EBF1: variants seen among roughly 807,000 people sequenced by gnomAD.
EBF1 encodes the protein EBF transcription factor 1.
A neutral mutation model predicts 68.4 loss-of-function variants in EBF1; 10 were observed. That is an observed-to-expected ratio of 0.15 (90% CI 0.09 to 0.25). The LOEUF (loss-of-function observed/expected upper bound fraction) is 0.25. Among genes scored for constraint, EBF1 ranks in the 10% least tolerant of loss-of-function variants. The probability of loss-of-function intolerance (pLI) is 1.00; values close to 1 mark genes in which losing one functional copy is unlikely to be tolerated. For synonymous variants in EBF1, 298 were observed against 299.8 expected (o/e 0.99, Z 0.06); for missense variants, 509 against 794.4 (o/e 0.64, Z 4.32).
In EBF1 at chr5:158,796,407, T is replaced by C. The variant is rs1779619905; in HGVS notation, c.847A>G (p.Ile283Val). ...WTTGGATVII[I>V]GDNFFDGLQV... ...AACCCATCAAAGAAATTGTCCCCTA[T>C]GATGATCACAGTCGCACCTCCCGTC... Residue 283 changes from isoleucine to valine, a missense_variant, in exon 9 of 16, where the codon ATA becomes GTA. Coordinates refer to ENST00000313708, the MANE Select transcript of EBF1 (RefSeq NM_024007.5). 1 of 1,613,806 alleles carries C rather than the reference T, an allele frequency of 6.2e-7. No individual in the cohort carries two copies. The highest frequency in any genetic ancestry group is 1.1e-5 in the South Asian group (1 of 91,034).
rs1363155884 is a variant in EBF1 at position 158,696,917 on chromosome 5, T to G, written c.*2194A>C. 1.5e-5 allele frequency: 3 copies of G among 196,856 alleles called. No individual in the cohort carries two copies. Among genetic ancestry groups the G allele is most frequent in the Non-Finnish European group, 3.1e-5 (3 of 95,302 alleles). 12.2% of individuals were successfully genotyped at this position (196,856 alleles called of 1,614,324 possible). A position where few individuals can be genotyped will look rare whatever the true frequency, so the allele number is the denominator to read the frequency against. On this transcript the variant is annotated 3_prime_UTR_variant, in exon 16 of 16. Coordinates refer to ENST00000313708, the MANE Select transcript of EBF1 (RefSeq NM_024007.5). ...TCTTTGTTTTTTTTTTTTTCTTTTT[T>G]TCTTTTTCTTTTTTCTTAGAATGTT...
At chr5:159,080,219 C>G (rs117462858) in intron 5 of EBF1, among the ~76,000 whole-genome samples, 2 of 152,308 alleles carry the variant, frequency 1.3e-5, no homozygotes, top group East Asian at 3.9e-4. Context: ...TGCCCAAACA[C>G]TTCATGCACC....
chr5:158,833,985 A>G (rs774544449), intron 7 of EBF1, among the ~76,000 whole-genome samples: 19 of 152,230 alleles, frequency 1.2e-4, no homozygotes, highest in Admixed American at 1.3e-4. Context: ...TTACATTCAT[A>G]TATAGTTATA....
intron 6 of EBF1, among the ~76,000 whole-genome samples, chr5:159,018,003 TC>T (rs1435546485): frequency 2.0e-5 from 3 of 151,980 alleles, no homozygotes; most frequent in Non-Finnish European, 2.9e-5. Flanking sequence ...ATTTCCTGTC[TC>T]CCCCGTCCCT....
intron 6 of EBF1, among the ~76,000 whole-genome samples, chr5:159,022,056 T>TAAAAAAAAA (rs10630834): frequency 4.7e-5 from 5 of 105,606 alleles, no homozygotes; most frequent in African/African-American, 7.3e-5. Context: ...GTCAGCACGA[T>TAAAAAAAAA]AAAAAAAAAA....
chr5:158,798,007 A>C (rs1313231631), intron 8 of EBF1, among the ~76,000 whole-genome samples: 1 of 152,216 alleles, frequency 6.6e-6, no homozygotes, highest in Non-Finnish European at 1.5e-5. Context: ...AAAGTAAAAA[A>C]TGTTTAAATG....
intron 6 of EBF1, among the ~76,000 whole-genome samples, chr5:159,000,557 G>C (rs973805028): frequency 3.3e-5 from 5 of 152,168 alleles, no homozygotes; most frequent in African/African-American, 1.2e-4. Flanking sequence ...AAGTAAGACT[G>C]TCACTTCAAA....
intron 10 of EBF1, among the ~76,000 whole-genome samples, chr5:158,758,131 C>T (rs763248289): frequency 6.6e-6 from 1 of 152,142 alleles, no homozygotes; most frequent in Non-Finnish European, 1.5e-5. Context: ...TTTATTTTCT[C>T]CATTATTGAG....
intron 15 of EBF1, among the ~76,000 whole-genome samples, chr5:158,703,505 G>T (rs1757193540): frequency 6.6e-6 from 1 of 151,444 alleles, no homozygotes; most frequent in Admixed American, 6.6e-5. Flanking sequence ...TAGTGATCCA[G>T]GGAGCACCAC....
chr5:158,927,484 C>T (rs920469161), intron 6 of EBF1, among the ~76,000 whole-genome samples: 3 of 152,250 alleles, frequency 2.0e-5, no homozygotes, highest in Admixed American at 1.3e-4. Flanking sequence ...GCTATATATA[C>T]CAGCAAGTAC....
chr5:159,004,503 T>C (rs368036926), intron 6 of EBF1, among the ~76,000 whole-genome samples: 2 of 151,240 alleles, frequency 1.3e-5, no homozygotes, highest in Non-Finnish European at 2.9e-5. Flanking sequence ...CATTTTGCTA[T>C]AAAGTAGCAA....
In EBF1 at chr5:159,088,638, A is replaced by T. The variant is rs1781124055; in HGVS notation, c.412-3899T>A. On this transcript the variant is annotated intron_variant, in intron 4 of 15. Transcript: ENST00000313708. ...GCTGGTTTAGGGCCCAGACAATGAAACACCAAGAAGAAGGCTTATTTTCAT... is the reference window on the plus strand; with the variant it reads ...GCTGGTTTAGGGCCCAGACAATGAATCACCAAGAAGAAGGCTTATTTTCAT... 2.6e-5 allele frequency among the ~76,000 whole-genome samples: 4 copies of T among 152,210 alleles called. No homozygotes were observed. In the South Asian group the frequency reaches 8.3e-4, roughly 32 times the overall value.
At chr5:158,712,056 G>T (rs1344416561) in intron 14 of EBF1, 98 bp downstream of exon 14, 9 of 1,413,724 alleles carry the variant, frequency 6.4e-6, no homozygotes, top group Admixed American at 6.0e-5. Flanking sequence ...AAGATGGGGG[G>T]CCTCAGACCG....
In EBF1 at chr5:159,001,475, C is replaced by T. The variant is rs140367846; in HGVS notation, c.554+71921G>A. On this transcript the variant is annotated intron_variant, in intron 6 of 15. Transcript: ENST00000313708. ...AAATTATGACTCAACCATTCACTGA[C>T]TGTGTGACCCCTGGTGCAAATCATT... Among the ~76,000 whole-genome samples the T allele has an allele frequency of 3.2e-3, 490 of 152,274 alleles. 2 individuals carry two copies. Among genetic ancestry groups the T allele is most frequent in the African/African-American group, 0.011 (464 of 41,550 alleles).
intron 13 of EBF1, 48 bp downstream of exon 13, chr5:158,712,922 G>T: frequency 1.4e-6 from 2 of 1,395,460 alleles, no homozygotes; most frequent in Non-Finnish European, 9.4e-7. Context: ...TAAATGAGGA[G>T]ATGGGGTGCT....
intron 6 of EBF1, among the ~76,000 whole-genome samples, chr5:158,859,609 C>T (rs897715238): frequency 6.6e-6 from 1 of 152,212 alleles, no homozygotes; most frequent in African/African-American, 2.4e-5. Context: ...AACTAATTCA[C>T]TTGTACCTCC....
chr5:158,701,801 TA>T (rs1339109662), intron 15 of EBF1, among the ~76,000 whole-genome samples: 1 of 152,224 alleles, frequency 6.6e-6, no homozygotes, highest in Non-Finnish European at 1.5e-5. Flanking sequence ...TATATGGGTC[TA>T]GGGGGTGGGT....
At chr5:158,813,195 C>T (rs2127804267) in intron 8 of EBF1, among the ~76,000 whole-genome samples, 1 of 152,290 alleles carries the variant, frequency 6.6e-6, no homozygotes, top group East Asian at 1.9e-4. Flanking sequence ...TAGTCTTGCC[C>T]TAAGCAATAA....
intron 8 of EBF1, among the ~76,000 whole-genome samples, chr5:158,807,870 C>G (rs1264848167): frequency 6.6e-6 from 1 of 152,128 alleles, no homozygotes; most frequent in African/African-American, 2.4e-5. Context: ...TTAAGAAAAC[C>G]ATGTTTTGAA....
Sources: allele counts gnomAD v4.1 joint callset (sites outside exome capture counted in the v4.1 genomes callset), GRCh38; gene constraint gnomAD v4.1.1; transcripts MANE v1.5; gene names NCBI Gene and HGNC (gene_info 2026-07-23, HGNC 2026-07-21).